The following TMEM117 variants were observed in gnomAD, a reference collection of about 807,000 sequenced individuals.
The protein encoded by TMEM117 is transmembrane protein 117.
A neutral mutation model predicts 52.4 loss-of-function variants in TMEM117; 27 were observed. That is an observed-to-expected ratio of 0.51 (90% CI 0.38 to 0.71). The LOEUF is 0.71. Among genes scored for constraint, TMEM117 ranks in the 30% least tolerant of loss-of-function variants. The probability of loss-of-function intolerance (pLI) is 0.00; values close to 1 mark genes in which losing one functional copy is unlikely to be tolerated. For missense variants in TMEM117, 556 were observed against 630.5 expected (o/e 0.88, Z 1.26); for synonymous variants, 215 against 206.3 (o/e 1.04, Z -0.36).
At chr12:44,050,773 C>T (rs2137924352) in intron 3 of TMEM117, among the ~76,000 whole-genome samples, 1 of 152,318 alleles carries the variant, frequency 6.6e-6, no homozygotes, top group East Asian at 1.9e-4. Flanking sequence ...CCATTTTTGT[C>T]TGTCAACTTT....
intron 2 of TMEM117, among the ~76,000 whole-genome samples, chr12:43,943,671 T>C (rs1945081873): frequency 6.6e-6 from 1 of 152,232 alleles, no homozygotes. Context: ...GGCATGTTTG[T>C]TAAGAGTGAG....
intron 2 of TMEM117, among the ~76,000 whole-genome samples, chr12:43,928,063 A>T (rs1565755036): frequency 6.6e-6 from 1 of 151,594 alleles, no homozygotes. Flanking sequence ...TTTAGAAATT[A>T]TGTATTAAAT....
rs1360833458 is a variant in TMEM117, at chr12:44,311,849, GTATATATGTA to G, written c.768+12136_768+12145del. On this transcript the variant is annotated intron_variant, in intron 6 of 7. Transcript: ENST00000266534. ...TATATATGTATATATGTATATATAT[GTATATATGTA>G]TATATATGTATATATATGTATATAT... Among the ~76,000 whole-genome samples, 976 of 113,626 alleles carry G rather than the reference GTATATATGTA, an allele frequency of 8.6e-3. 35 individuals carry two copies. Among genetic ancestry groups the G allele is most frequent in the African/African-American group, 0.037 (873 of 23,832 alleles). 74.5% of individuals were successfully genotyped at this position (113,626 alleles called of 152,430 possible).
intron 2 of TMEM117, among the ~76,000 whole-genome samples, chr12:43,929,984 C>G (rs971552119): frequency 3.3e-5 from 5 of 152,044 alleles, no homozygotes; most frequent in African/African-American, 9.7e-5. Flanking sequence ...GAGATAATAT[C>G]TAAAGAATTG....
chr12:44,145,008 T>C (rs942890939), intron 4 of TMEM117, among the ~76,000 whole-genome samples: 1 of 151,892 alleles, frequency 6.6e-6, no homozygotes, highest in Non-Finnish European at 1.5e-5. Context: ...ATACAAAAAA[T>C]TAGCCAGGCG....
chr12:44,196,707 A>C (rs1949425683), intron 4 of TMEM117, among the ~76,000 whole-genome samples: 1 of 152,182 alleles, frequency 6.6e-6, no homozygotes, highest in Admixed American at 6.5e-5. Flanking sequence ...TTGCTTTTAA[A>C]TTTCTAAGTT....
chr12:44,258,985 T>G (rs1231835742), intron 5 of TMEM117, among the ~76,000 whole-genome samples: 1 of 152,122 alleles, frequency 6.6e-6, no homozygotes, highest in Admixed American at 6.6e-5. Context: ...AATTCATAAT[T>G]TTAAATTGAT....
intron 4 of TMEM117, among the ~76,000 whole-genome samples, chr12:44,150,093 C>T (rs550679990): frequency 6.6e-6 from 1 of 152,212 alleles, no homozygotes; most frequent in African/African-American, 2.4e-5. Flanking sequence ...TCAACCTACC[C>T]CTGATTAGTT....
chr12:43,973,700 G>A (rs1192149379), intron 3 of TMEM117, among the ~76,000 whole-genome samples: 2 of 152,208 alleles, frequency 1.3e-5, no homozygotes, highest in Non-Finnish European at 2.9e-5. Context: ...TGTTGCAAGA[G>A]CCTGGTATTC....
intron 2 of TMEM117, among the ~76,000 whole-genome samples, chr12:43,935,435 A>G (rs1318158043): frequency 1.3e-5 from 2 of 152,144 alleles, no homozygotes; most frequent in Non-Finnish European, 2.9e-5. Flanking sequence ...TTTCTTGTCA[A>G]GTATTCTAAT....
At chr12:44,187,959 C>CA (rs1434636653) in intron 4 of TMEM117, among the ~76,000 whole-genome samples, 14 of 152,188 alleles carry the variant, frequency 9.2e-5, no homozygotes, top group African/African-American at 3.4e-4. Context: ...CAGCTTTTTT[C>CA]AGGTGGCTCT....
intron 2 of TMEM117, among the ~76,000 whole-genome samples, chr12:43,930,057 A>C (rs1459942973): frequency 6.6e-6 from 1 of 152,188 alleles, no homozygotes; most frequent in Admixed American, 6.5e-5. Flanking sequence ...GTCTGTAGAT[A>C]CTGGGTTCAG....
At chr12:43,850,966 A>G (rs559869618) in intron 2 of TMEM117, among the ~76,000 whole-genome samples, 1 of 152,334 alleles carries the variant, frequency 6.6e-6, no homozygotes, top group Non-Finnish European at 1.5e-5. Flanking sequence ...AAATATTGGA[A>G]TGCCTTACAA....
At chr12:43,930,233 GTT>G (rs200741459) in intron 2 of TMEM117, among the ~76,000 whole-genome samples, 3 of 151,738 alleles carry the variant, frequency 2.0e-5, no homozygotes, top group Non-Finnish European at 4.4e-5. Flanking sequence ...TTTATGCTTA[GTT>G]TTTTTTGCTT....
At chr12:43,999,771 T>TG (rs1464563793) in intron 3 of TMEM117, among the ~76,000 whole-genome samples, 6 of 152,198 alleles carry the variant, frequency 3.9e-5, no homozygotes, top group Admixed American at 3.9e-4. Context: ...GGATTACAGA[T>TG]GTGAGCCACC....
chr12:44,175,551 A>G (rs555501608), intron 4 of TMEM117, among the ~76,000 whole-genome samples: 3 of 152,328 alleles, frequency 2.0e-5, no homozygotes, highest in Admixed American at 2.0e-4. Flanking sequence ...AGTTGGATAT[A>G]CATATTCAAA....
chr12:43,847,095 G>A (rs991644233), intron 2 of TMEM117, among the ~76,000 whole-genome samples: 2 of 152,146 alleles, frequency 1.3e-5, no homozygotes, highest in African/African-American at 2.4e-5. Context: ...TGTTGTTGGT[G>A]GTGGGGCAGA....
downstream of TMEM117, among the ~76,000 whole-genome samples, chr12:44,393,277 G>A (rs1952169203): frequency 1.3e-5 from 2 of 151,960 alleles, no homozygotes; most frequent in South Asian, 2.1e-4. Context: ...AACTGAGAAA[G>A]ACCACGATAA....
At chr12:43,912,507 T>TTATATA (rs56170922) in intron 2 of TMEM117, among the ~76,000 whole-genome samples, 2,371 of 131,778 alleles carry the variant, frequency 0.018, 90 homozygotes, top group Middle Eastern at 0.033. Flanking sequence ...TAATAATAAT[T>TTATATA]TATATATATA....
Sources: gnomAD v4.1 joint callset for allele counts (sites outside exome capture counted in the v4.1 genomes callset) on GRCh38, gnomAD v4.1.1 for gene constraint, MANE v1.5 for transcripts, NCBI Gene and HGNC (gene_info 2026-07-23, HGNC 2026-07-21) for gene names.